Variants in AGBL4 observed in about 807,000 individuals in gnomAD.
AGBL4 encodes the protein cytosolic carboxypeptidase 6.
A neutral mutation model predicts 66.4 loss-of-function variants in AGBL4; 58 were observed. That is an observed-to-expected ratio of 0.87 (90% confidence interval 0.71 to 1.09). The LOEUF (loss-of-function observed/expected upper bound fraction) is 1.09. Among genes scored for constraint, AGBL4 ranks in the 50% least tolerant of loss-of-function variants. The pLI, the probability that AGBL4 is intolerant of heterozygous loss-of-function variation, is 0.00. For missense variants in AGBL4, 579 were observed against 631.0 expected, an observed-to-expected ratio of 0.92 and a Z score of 0.88; for synonymous variants, 234 against 222.9, an observed-to-expected ratio of 1.05 and a Z score of -0.44.
At chr1:49,302,936 T>C (rs1179651003) in intron 3 of AGBL4, among the ~76,000 whole-genome samples, 1 of 152,076 alleles carries the variant, frequency 6.6e-6, no homozygotes, top group Non-Finnish European at 1.5e-5. Flanking sequence ...GTTCCTGTGT[T>C]AGTTTGCTGA....
chr1:49,135,419 G>A (rs1448172745), intron 4 of AGBL4, among the ~76,000 whole-genome samples: 1 of 152,110 alleles, frequency 6.6e-6, no homozygotes. Context: ...TGACCCAGCA[G>A]TGCTAGAGGA....
intron 1 of AGBL4, among the ~76,000 whole-genome samples, chr1:50,013,938 T>C (rs1046115095): frequency 4.6e-5 from 7 of 152,216 alleles, no homozygotes; most frequent in African/African-American, 1.2e-4. Context: ...AGTATCTCCA[T>C]TTAAACATGA....
intron 6 of AGBL4, among the ~76,000 whole-genome samples, chr1:48,711,294 T>C (rs980217469): frequency 2.6e-5 from 4 of 152,168 alleles, no homozygotes; most frequent in Non-Finnish European, 5.9e-5. Context: ...GAGGTGAGAC[T>C]AGCTTGGGCC....
At chr1:49,607,189 A>C (rs1322945582) in intron 3 of AGBL4, among the ~76,000 whole-genome samples, 1 of 152,134 alleles carries the variant, frequency 6.6e-6, no homozygotes, top group Non-Finnish European at 1.5e-5. Context: ...GAGAGGCTGA[A>C]GAATTGCAAT....
At chr1:49,916,996 G>C (rs144749033) in intron 1 of AGBL4, among the ~76,000 whole-genome samples, 3,485 of 152,230 alleles carry the variant, frequency 0.023, 144 homozygotes, top group African/African-American at 0.08. Flanking sequence ...CTTCATAAAA[G>C]TGAAGGAGAA....
Position 49,941,700 on chromosome 1 carries a change from A to T in AGBL4, c.34+82063T>A, listed in dbSNP as rs962602788. Among the ~76,000 whole-genome samples, 139 of 152,102 alleles carry T rather than the reference A, an allele frequency of 9.1e-4. 3 individuals are homozygous for T. The highest frequency in any genetic ancestry group is 1.3e-4 in the Non-Finnish European group (9 of 67,964). On this transcript the variant is annotated intron_variant, in intron 1 of 13. Coordinates refer to ENST00000371839, the MANE Select transcript of AGBL4 (RefSeq NM_032785.4). ...AAAATCTGTTCATGATTTTAAAAAA[A>T]CTCTCAAAAATTAAGTATAGAAGAA...
intron 3 of AGBL4, among the ~76,000 whole-genome samples, chr1:49,565,176 C>T (rs1423929463): frequency 2.0e-5 from 3 of 152,088 alleles, no homozygotes; most frequent in African/African-American, 7.2e-5. Flanking sequence ...TCCTCCATCC[C>T]TTTATTTTGA....
intron 6 of AGBL4, among the ~76,000 whole-genome samples, chr1:48,670,018 T>C (rs1646251976): frequency 6.6e-6 from 1 of 152,132 alleles, no homozygotes; most frequent in African/African-American, 2.4e-5. Flanking sequence ...CTTGATGAGC[T>C]GGAAGAAGAG....
At chr1:48,726,020 G>A (rs1647249398) in intron 6 of AGBL4, among the ~76,000 whole-genome samples, 1 of 152,036 alleles carries the variant, frequency 6.6e-6, no homozygotes. Flanking sequence ...CTGAATTAGG[G>A]ATCATTCTCT....
intron 1 of AGBL4, among the ~76,000 whole-genome samples, chr1:49,915,695 T>C (rs1048166722): frequency 3.3e-5 from 5 of 152,192 alleles, no homozygotes; most frequent in African/African-American, 1.2e-4. Context: ...CAGAAACCTC[T>C]GCAGATTTAA....
intron 6 of AGBL4, among the ~76,000 whole-genome samples, chr1:48,735,438 G>T (rs1045712405): frequency 2.0e-5 from 3 of 151,518 alleles, no homozygotes; most frequent in African/African-American, 7.3e-5. Flanking sequence ...AGAAAGAAGA[G>T]AGGAGGAAGG....
chr1:49,690,641 G>A (rs533372960), intron 3 of AGBL4, among the ~76,000 whole-genome samples: 7 of 152,204 alleles, frequency 4.6e-5, no homozygotes, highest in Non-Finnish European at 7.4e-5. Flanking sequence ...AATATAAAGG[G>A]CTTAGAACAC....
intron 3 of AGBL4, among the ~76,000 whole-genome samples, chr1:49,599,730 G>A (rs984921831): frequency 2.0e-5 from 3 of 152,098 alleles, no homozygotes; most frequent in African/African-American, 2.4e-5. Flanking sequence ...GATCTTTCTC[G>A]CTTTCTCCTG....
intron 3 of AGBL4, among the ~76,000 whole-genome samples, chr1:49,610,957 G>C (rs1194174493): frequency 3.3e-5 from 5 of 152,174 alleles, no homozygotes; most frequent in African/African-American, 1.2e-4. Flanking sequence ...TTACAAAGGT[G>C]TGAACAGAAT....
At chr1:49,295,277 T>C (rs1306115123) in intron 3 of AGBL4, among the ~76,000 whole-genome samples, 1 of 152,182 alleles carries the variant, frequency 6.6e-6, no homozygotes, top group Non-Finnish European at 1.5e-5. Context: ...AAGAGGTAGA[T>C]GTAAATAGTT....
intron 1 of AGBL4, among the ~76,000 whole-genome samples, chr1:49,864,135 T>C (rs947479548): frequency 6.6e-6 from 1 of 152,132 alleles, no homozygotes; most frequent in Non-Finnish European, 1.5e-5. Context: ...CTGGAAATCA[T>C]ATTAAGTGAA....
chr1:48,972,800 G>A (rs1380800989), intron 5 of AGBL4, among the ~76,000 whole-genome samples: 1 of 152,096 alleles, frequency 6.6e-6, no homozygotes, highest in Non-Finnish European at 1.5e-5. Flanking sequence ...AAGCATAGGG[G>A]ATAAAAAATA....
At chr1:48,567,060 C>T (rs1365486505) in intron 11 of AGBL4, among the ~76,000 whole-genome samples, 1 of 152,192 alleles carries the variant, frequency 6.6e-6, no homozygotes, top group Non-Finnish European at 1.5e-5. Flanking sequence ...CTCTGGAACA[C>T]CCTGACTAAT....
chr1:49,092,069 AC>A (rs1489540866), intron 4 of AGBL4, among the ~76,000 whole-genome samples: 1 of 151,982 alleles, frequency 6.6e-6, no homozygotes, highest in African/African-American at 2.4e-5. Flanking sequence ...TAGAGAAACT[AC>A]CTATCTGGTA....
Sources: allele counts gnomAD v4.1 joint callset (sites outside exome capture counted in the v4.1 genomes callset), GRCh38; gene constraint gnomAD v4.1.1; transcripts MANE v1.5; gene names NCBI Gene and HGNC (gene_info 2026-07-23, HGNC 2026-07-21).